TRPC4AP: variants seen among roughly 807,000 people sequenced by gnomAD.
TRPC4AP encodes transient receptor potential cation channel subfamily C member 4 associated protein, also known as short transient receptor potential channel 4-associated protein.
A neutral mutation model predicts 99.0 loss-of-function variants in TRPC4AP; 45 were observed. The ratio of observed to expected loss-of-function variants is 0.45; its 90% CI spans 0.36 to 0.58. The LOEUF (loss-of-function observed/expected upper bound fraction) is 0.58, where lower values mean the gene tolerates loss of function less well. Among genes scored for constraint, TRPC4AP ranks in the 20% least tolerant of loss-of-function variants. TRPC4AP has a pLI of 0.00. For synonymous variants in TRPC4AP, 408 were observed against 385.8 expected (o/e 1.06, Z -0.67); for missense variants, 879 against 985.3 (o/e 0.89, Z 1.44).
At chr20:35,086,465 GTGTGTGTGTGTATGTGTGTGTA>G (rs1569157467) in intron 1 of TRPC4AP, among the ~76,000 whole-genome samples, 4 of 116,102 alleles carry the variant, frequency 3.4e-5, no homozygotes, top group South Asian at 2.8e-4. Context: ...GTGTGTGTGT[GTGTGTGTGTGTATGTGTGTGTA>G]TATATATATG....
At chr20:35,032,240 A>G (rs535493661) in intron 8 of TRPC4AP, among the ~76,000 whole-genome samples, 15 of 152,170 alleles carry the variant, frequency 9.9e-5, no homozygotes, top group African/African-American at 3.4e-4. Context: ...GGCCTGGCCA[A>G]TCTTGAACTC....
At chr20:35,059,710 T>C (rs930622960) in intron 3 of TRPC4AP, among the ~76,000 whole-genome samples, 6 of 148,518 alleles carry the variant, frequency 4.0e-5, no homozygotes, top group African/African-American at 1.5e-4. Flanking sequence ...GAAGAAGAAA[T>C]AAGAAGAAGA....
At chr20:35,092,509 G>A (rs2085102561) in intron 1 of TRPC4AP, 105 bp downstream of exon 1, 9 of 1,314,174 alleles carry the variant, frequency 6.8e-6, no homozygotes, top group Non-Finnish European at 8.9e-6. Context: ...CCAGCCAAAA[G>A]GGCTTTGGCC....
chr20:35,008,552 T>C, intron 13 of TRPC4AP, 112 bp downstream of exon 13: 1 of 878,770 alleles, frequency 1.1e-6, no homozygotes, highest in South Asian at 1.6e-5. Context: ...CAACAGTAAT[T>C]GTGCTTCAGG....
chr20:35,049,574 G>A (rs957161223), intron 6 of TRPC4AP, among the ~76,000 whole-genome samples: 9 of 152,100 alleles, frequency 5.9e-5, no homozygotes, highest in Non-Finnish European at 1.2e-4. Flanking sequence ...GATGAGTGAG[G>A]GGCAATTTGA....
At chr20:35,054,793 A>C (rs191988987) in intron 5 of TRPC4AP, among the ~76,000 whole-genome samples, 183 bp downstream of exon 5, 122 of 152,250 alleles carry the variant, frequency 8.0e-4, no homozygotes, top group African/African-American at 2.8e-3. Flanking sequence ...ACTGCTACAA[A>C]ATTCTGCCTC....
At chr20:35,014,314 A>ATAT (rs2082702556) in intron 10 of TRPC4AP, among the ~76,000 whole-genome samples, 1 of 113,190 alleles carries the variant, frequency 8.8e-6, no homozygotes, top group Non-Finnish European at 1.7e-5. Context: ...CTCAGGCAGA[A>ATAT]TTTTTTTTTT....
intron 1 of TRPC4AP, among the ~76,000 whole-genome samples, chr20:35,088,817 A>G (rs1245186909): frequency 6.6e-6 from 1 of 152,172 alleles, no homozygotes; most frequent in East Asian, 1.9e-4. Flanking sequence ...CATTATGTTA[A>G]GTAAAATAAG....
chr20:35,020,705 T>C (rs1343263419), intron 9 of TRPC4AP, among the ~76,000 whole-genome samples: 1 of 152,170 alleles, frequency 6.6e-6, no homozygotes, highest in African/African-American at 2.4e-5. Context: ...AAGCCCTTTT[T>C]CCTCCACTGT....
intron 3 of TRPC4AP, among the ~76,000 whole-genome samples, chr20:35,068,963 ACACACACACACACAC>A (rs2084222488): frequency 2.1e-5 from 1 of 47,116 alleles, no homozygotes; most frequent in South Asian, 5.8e-4. Context: ...ACACACACAC[ACACACACACACACAC>A]AAAAAAAACA....
At chr20:35,006,675 G>C (rs2082524744) in intron 14 of TRPC4AP, 100 bp from the exon 15 acceptor site, 1 of 1,467,104 alleles carries the variant, frequency 6.8e-7, no homozygotes, top group Non-Finnish European at 9.2e-7. Flanking sequence ...AAGCATCCTG[G>C]GGATGGAACT....
intron 12 of TRPC4AP, 48 bp downstream of exon 12, chr20:35,010,139 G>A (rs559246946): frequency 9.9e-5 from 155 of 1,558,130 alleles, no homozygotes; most frequent in Non-Finnish European, 1.3e-4. Flanking sequence ...CCCGGGGAAC[G>A]TGGGCAGCCG....
chr20:35,038,102 C>T (rs866225108), intron 7 of TRPC4AP, among the ~76,000 whole-genome samples: 10 of 149,938 alleles, frequency 6.7e-5, no homozygotes, highest in Admixed American at 2.7e-4. Flanking sequence ...TTAATGTGTA[C>T]GGCGTTTCCT....
At chr20:35,035,354 G>C in intron 7 of TRPC4AP, 46 bp from the exon 8 acceptor site, 1 of 1,583,354 alleles carries the variant, frequency 6.3e-7, no homozygotes, top group Non-Finnish European at 8.6e-7. Flanking sequence ...ATAGAGACCA[G>C]CAAAACTACC....
intron 9 of TRPC4AP, 65 bp from the exon 10 acceptor site, chr20:35,016,204 T>A (rs762675333): frequency 3.6e-5 from 57 of 1,583,268 alleles, no homozygotes; most frequent in Non-Finnish European, 4.9e-5. Context: ...CAAAACCTCG[T>A]GCTCAGTACA....
intron 2 of TRPC4AP, 117 bp from the exon 3 acceptor site, chr20:35,069,529 C>A: frequency 1.5e-6 from 1 of 670,344 alleles, no homozygotes; most frequent in Non-Finnish European, 2.7e-6. Context: ...AAAGACAGTC[C>A]CCAATGAACC....
chr20:35,039,195 G>A (rs548097326), intron 7 of TRPC4AP, among the ~76,000 whole-genome samples: 1 of 152,302 alleles, frequency 6.6e-6, no homozygotes, highest in East Asian at 1.9e-4. Flanking sequence ...AGCTCCTGCT[G>A]CTTGACCTGC....
At chr20:35,091,838 A>T (rs2085076056) in intron 1 of TRPC4AP, among the ~76,000 whole-genome samples, 2 of 152,176 alleles carry the variant, frequency 1.3e-5, no homozygotes, top group Admixed American at 6.5e-5. Flanking sequence ...TCTCCACAAC[A>T]ATCTTAAAAG....
Position 35,003,431 on chromosome 20 carries a change from C to T in TRPC4AP, c.2235G>A (p.Lys745=), listed in dbSNP as rs779876351. 2.5e-6 allele frequency: 4 copies of T among 1,613,686 alleles called. No individual in the cohort carries two copies. In the Admixed American group the frequency reaches 6.7e-5, roughly 27 times the overall value. The stretch of plus-strand genomic sequence containing the variant: ...TCACGTTCTCTAGGCAGGTGCTGTC[C>T]TTGTCCTTGTGCAGGTAGTGCTGCT... ...FWQQHYLHKD[K]DSTCLENSSC... The change falls in exon 18 of 19, where the codon AAG becomes AAA. Residue 745 remains lysine (K), a synonymous_variant. Coordinates refer to ENST00000252015, the MANE Select transcript of TRPC4AP (RefSeq NM_015638.3).
Sources: allele counts gnomAD v4.1 joint callset (sites outside exome capture counted in the v4.1 genomes callset), GRCh38; gene constraint gnomAD v4.1.1; transcripts MANE v1.5; gene names NCBI Gene and HGNC (gene_info 2026-07-23, HGNC 2026-07-21).